The following TMEM135 variants were observed in gnomAD, a reference collection of about 807,000 sequenced individuals.
TMEM135 encodes the protein transmembrane protein 135.
Under a neutral mutation model 60.3 loss-of-function variants are expected in TMEM135, and 30 were observed. That is an observed-to-expected ratio of 0.50 (90% CI 0.37 to 0.68). The LOEUF (loss-of-function observed/expected upper bound fraction) is 0.68. Among genes scored for constraint, TMEM135 ranks in the 30% least tolerant of loss-of-function variants. The pLI is 0.00. For missense variants in TMEM135, 468 were observed against 548.8 expected (o/e 0.85, Z 1.47); for synonymous variants, 190 against 186.7 (o/e 1.02, Z -0.14).
At chr11:87,161,112 A>G (rs369864542) in intron 5 of TMEM135, among the ~76,000 whole-genome samples, 71 of 152,170 alleles carry the variant, frequency 4.7e-4, no homozygotes, top group African/African-American at 1.7e-3. Context: ...GTTGGCCAGC[A>G]TGGTCTCCAT....
intron 5 of TMEM135, among the ~76,000 whole-genome samples, chr11:87,166,848 A>C (rs1939064672): frequency 6.6e-6 from 1 of 152,052 alleles, no homozygotes; most frequent in Non-Finnish European, 1.5e-5. Context: ...GAAGAAAGTC[A>C]ATGGTAGCTT....
At chr11:87,157,772 C>A (rs970924596) in intron 5 of TMEM135, 2 of 170,640 alleles carry the variant, frequency 1.2e-5, no homozygotes, top group Non-Finnish European at 2.5e-5. Context: ...ATAAAATAAT[C>A]GGAAATGTTG....
At chr11:87,141,198 T>C (rs1283028893) in intron 4 of TMEM135, among the ~76,000 whole-genome samples, 1 of 152,146 alleles carries the variant, frequency 6.6e-6, no homozygotes, top group Non-Finnish European at 1.5e-5. Context: ...TTTGATAATA[T>C]TAAATCTCTG....
At chr11:87,055,755 T>A (rs1949888509) in intron 1 of TMEM135, among the ~76,000 whole-genome samples, 1 of 152,138 alleles carries the variant, frequency 6.6e-6, no homozygotes, top group Non-Finnish European at 1.5e-5. Context: ...CATGCTTGGC[T>A]AATTTTGTAT....
At chr11:87,110,804 T>A (rs1441249919) in intron 4 of TMEM135, among the ~76,000 whole-genome samples, 1 of 151,990 alleles carries the variant, frequency 6.6e-6, no homozygotes, top group African/African-American at 2.4e-5. Flanking sequence ...AATAAATGAA[T>A]AATTCAGGGT....
intron 5 of TMEM135, among the ~76,000 whole-genome samples, chr11:87,166,735 G>C (rs976291952): frequency 7.0e-6 from 1 of 143,338 alleles, no homozygotes; most frequent in Non-Finnish European, 1.5e-5. Flanking sequence ...AAGTAAGGTA[G>C]TGTGATGCCT....
In TMEM135 at chr11:87,298,786, C is replaced by CAAAAAAAAA. The variant is rs59740138; in HGVS notation, c.551+2973_551+2981dup. Among the ~76,000 whole-genome samples the CAAAAAAAAA allele has an allele frequency of 7.0e-3, 406 of 57,606 alleles. 30 individuals carry two copies. Among genetic ancestry groups the CAAAAAAAAA allele is most frequent in the East Asian group, 0.038 (66 of 1,722 alleles). 37.8% of individuals were successfully genotyped at this position (57,606 alleles called of 152,430 possible). On this transcript the variant is annotated intron_variant, in intron 7 of 14. Transcript: ENST00000305494. Reference sequence around the variant, plus strand: ...TGGGTGACAGAGTGAGACTCTGTCTCAAAAAAAAAAAAAAAAAACAGCCGG... The same window carrying CAAAAAAAAA: ...TGGGTGACAGAGTGAGACTCTGTCTCAAAAAAAAAAAAAAAAAAAAAAAAAAACAGCCGG...
At chr11:87,141,652 T>C (rs956910139) in intron 4 of TMEM135, among the ~76,000 whole-genome samples, 2 of 152,194 alleles carry the variant, frequency 1.3e-5, no homozygotes, top group African/African-American at 2.4e-5. Context: ...CCTGACCTTA[T>C]TTCTCATTTT....
chr11:87,224,129 A>ATG (rs1335885916), intron 5 of TMEM135, among the ~76,000 whole-genome samples: 1 of 152,238 alleles, frequency 6.6e-6, no homozygotes, highest in African/African-American at 2.4e-5. Context: ...TTATACTAAT[A>ATG]TGTGAGTAAC....
intron 6 of TMEM135, among the ~76,000 whole-genome samples, chr11:87,251,529 A>G (rs1941415693): frequency 1.3e-5 from 2 of 152,320 alleles, no homozygotes; most frequent in Middle Eastern, 3.4e-3. Context: ...TGAGGATTGA[A>G]TACGACACAT....
chr11:87,099,682 GTTT>G (rs57019125), intron 4 of TMEM135, among the ~76,000 whole-genome samples: 29,906 of 109,268 alleles, frequency 0.27, 3,466 homozygotes, highest in East Asian at 0.55. Context: ...TTTCATGGTG[GTTT>G]TTTTTTTTTT....
chr11:87,120,105 T>TCGTCG (rs57083711), intron 4 of TMEM135, among the ~76,000 whole-genome samples: 1 of 139,740 alleles, frequency 7.2e-6, no homozygotes. Flanking sequence ...GTCTGTTTTT[T>TCGTCG]TCTTCTTCTT....
Position 87,245,990 on chromosome 11 carries a change from C to T in TMEM135, c.509+9306C>T, listed in dbSNP as rs1420015169. Among the ~76,000 whole-genome samples the T allele has an allele frequency of 1.2e-4, 17 of 143,300 alleles. No homozygotes were observed. The East Asian group carries it at 2.5e-3, about 21-fold the overall frequency. 94.0% of individuals were successfully genotyped at this position (143,300 alleles called of 152,430 possible). On this transcript the variant is annotated intron_variant, in intron 6 of 14. Transcript: ENST00000305494. ...GGCATGATTTTGCAGCGGCTGGTAC[C>T]GGTTGTGCCTTTCCATGTTTAGTGC...
At position 87,302,404 on chromosome 11, in the gene TMEM135, G is replaced by A. The variant is rs375568783; in HGVS notation, c.660G>A (p.Met220Ile). Reference sequence around the variant, plus strand: ...AACATGAGGAAAAACCCGGAAGAATGAATATGATTGGTCTAGTCAGGAAAT... The same window carrying A: ...AACATGAGGAAAAACCCGGAAGAATAAATATGATTGGTCTAGTCAGGAAAT... ...REQHEEKPGR[M>I]NMIGLVRKFV... The change falls in exon 8 of 15, where the codon ATG becomes ATA. Residue 220 changes from methionine (M) to isoleucine (I), a missense_variant. Transcript: ENST00000305494. The A allele has an allele frequency of 2.5e-5, 41 of 1,613,748 alleles. No individual in the cohort carries two copies. Among genetic ancestry groups the A allele is most frequent in the Non-Finnish European group, 3.4e-5 (40 of 1,179,904 alleles).
At chr11:87,235,418 A>G (rs1009213974) in intron 5 of TMEM135, among the ~76,000 whole-genome samples, 7 of 151,956 alleles carry the variant, frequency 4.6e-5, no homozygotes, top group South Asian at 2.1e-4. Context: ...TTTCATTGGT[A>G]TATTTATATA....
intron 3 of TMEM135, 59 bp downstream of exon 3, chr11:87,071,674 AT>A (rs5793233): frequency 0.28 from 296,224 of 1,074,420 alleles, 32,157 homozygotes; most frequent in East Asian, 0.57. Context: ...CCCAACTATA[AT>A]TTTTTTTTTT....
chr11:87,261,925 C>T (rs1468758983), intron 6 of TMEM135, among the ~76,000 whole-genome samples: 3 of 152,324 alleles, frequency 2.0e-5, no homozygotes, highest in South Asian at 2.1e-4. Context: ...AGGTTCAACA[C>T]AGAATTATTT....
chr11:87,130,525 C>T (rs1336167003), intron 4 of TMEM135, among the ~76,000 whole-genome samples: 1 of 152,080 alleles, frequency 6.6e-6, no homozygotes, highest in South Asian at 2.1e-4. Flanking sequence ...GTCCTGCCAT[C>T]CCCTCTTCTT....
At chr11:87,315,399 T>A (rs1309805927) in intron 12 of TMEM135, among the ~76,000 whole-genome samples, 1 of 151,936 alleles carries the variant, frequency 6.6e-6, no homozygotes, top group African/African-American at 2.4e-5. Context: ...ACATTTACTG[T>A]GTATGTGAAC....
Sources: allele counts gnomAD v4.1 joint callset (sites outside exome capture counted in the v4.1 genomes callset), GRCh38; gene constraint gnomAD v4.1.1; transcripts MANE v1.5; gene names NCBI Gene and HGNC (gene_info 2026-07-23, HGNC 2026-07-21).